The following XPR1 variants were observed in gnomAD, a reference collection of about 807,000 sequenced individuals.
XPR1 encodes xenotropic and polytropic retrovirus receptor 1.
In XPR1, 28 loss-of-function variants were observed where a neutral mutation model predicts 87.5. The observed-to-expected ratio is 0.32, with a 90% confidence interval of 0.24 to 0.44. The LOEUF (loss-of-function observed/expected upper bound fraction) is 0.44. XPR1 is among the 20% of genes least tolerant of loss of function. The pLI is 1.00. For synonymous variants in XPR1, 300 were observed against 306.1 expected (o/e 0.98, Z 0.21); for missense variants, 559 against 862.3 (o/e 0.65, Z 4.41).
chr1:180,828,878 G>T (rs1650956465), intron 9 of XPR1, among the ~76,000 whole-genome samples: 1 of 152,080 alleles, frequency 6.6e-6, no homozygotes, highest in Non-Finnish European at 1.5e-5. Context: ...CTTTGATCTA[G>T]TGGATCAAAC....
chr1:180,656,473 TACA>T (rs1329742376), intron 1 of XPR1, among the ~76,000 whole-genome samples: 530 of 21,948 alleles, frequency 0.024, 153 homozygotes, highest in African/African-American at 0.032. Context: ...ATAATATTTA[TACA>T]TTATATATAA....
intron 10 of XPR1, 33 bp from the exon 11 acceptor site, chr1:180,836,489 A>T (rs374960341): frequency 6.4e-5 from 103 of 1,611,246 alleles, no homozygotes; most frequent in Non-Finnish European, 8.3e-5. Flanking sequence ...ACTTTTTTTC[A>T]ATGGTAATTT....
intron 1 of XPR1, among the ~76,000 whole-genome samples, chr1:180,647,982 T>G (rs967840228): frequency 2.0e-5 from 3 of 151,882 alleles, no homozygotes; most frequent in African/African-American, 7.3e-5. Context: ...ATATCTGCAT[T>G]GTCCAATATG....
chr1:180,824,592 G>GTAGATAGA (rs547917798), intron 7 of XPR1, among the ~76,000 whole-genome samples, 161 bp from the exon 8 acceptor site: 2 of 149,740 alleles, frequency 1.3e-5, no homozygotes, highest in Admixed American at 6.6e-5. Flanking sequence ...AAATAAATAG[G>GTAGATAGA]TAGATAGATA....
At chr1:180,637,668 C>G (rs754494983) in intron 1 of XPR1, among the ~76,000 whole-genome samples, 1 of 152,154 alleles carries the variant, frequency 6.6e-6, no homozygotes, top group Non-Finnish European at 1.5e-5. Flanking sequence ...ATTCTTGTGC[C>G]TCAGCTTCCC....
intron 1 of XPR1, among the ~76,000 whole-genome samples, chr1:180,661,281 T>TA (rs202100109): frequency 9.7e-4 from 146 of 151,040 alleles, no homozygotes; most frequent in African/African-American, 1.4e-3. Context: ...CAGATCTTGT[T>TA]AAAAAAAAAC....
intron 2 of XPR1, among the ~76,000 whole-genome samples, chr1:180,776,408 AAATTGTAT>A (rs1231462328): frequency 6.6e-6 from 1 of 151,972 alleles, no homozygotes; most frequent in South Asian, 2.1e-4. Flanking sequence ...ATAATTTTGG[AAATTGTAT>A]AATTGTATAA....
At chr1:180,859,158 TTTCTCTCTTTAGTACTTTTCC>T (rs1652136548) in intron 11 of XPR1, among the ~76,000 whole-genome samples, 1 of 152,266 alleles carries the variant, frequency 6.6e-6, no homozygotes, top group South Asian at 2.1e-4. Context: ...ATTTTTCTGA[TTTCTCTCTTTAGTACTTTTCC>T]TTCTCTCTTT....
rs1381252117 is a variant in XPR1, at chr1:180,884,880, A to G, written c.*814A>G. On this transcript the variant is annotated 3_prime_UTR_variant, in exon 15 of 15. Coordinates refer to ENST00000367590, the MANE Select transcript of XPR1 (RefSeq NM_004736.4). ...TGTTTTTATTTTAAGCCAAAGTTTC[A>G]TTGCTAACTTCTTAAGTTGCTGCTG... is the stretch of plus-strand genomic sequence containing the variant. The G allele has an allele frequency of 6.6e-6, 1 of 152,404 alleles. No homozygotes were observed. The highest frequency in any genetic ancestry group is 6.5e-5 in the Admixed American group (1 of 15,282). The allele number at this position is 152,404 out of a possible 1,614,324, so 9.4% of individuals were successfully genotyped here. A position where few individuals can be genotyped will look rare whatever the true frequency, so the allele number is the denominator to read the frequency against.
rs887222304 is a variant in XPR1 at position 180,884,924 on chromosome 1, A to G, written c.*858A>G. The G allele has an allele frequency of 6.6e-6, 1 of 152,312 alleles. No individual in the cohort carries two copies. Among genetic ancestry groups the G allele is most frequent in the Non-Finnish European group, 1.5e-5 (1 of 68,038 alleles). The allele number at this position is 152,312 out of a possible 1,614,324, so 9.4% of individuals were successfully genotyped here. A position where few individuals can be genotyped will look rare whatever the true frequency, so the allele number is the denominator to read the frequency against. On this transcript the variant is annotated 3_prime_UTR_variant, in exon 15 of 15. Transcript: ENST00000367590. ...GCTGCTGCTTTAGAGTCCTGAGCAT[A>G]TCTCTCATAACAAGGAATCCCACAC...
chr1:180,889,538 C>A lies in XPR1; in HGVS notation c.*5472C>A, dbSNP rs1653119642. On this transcript the variant is annotated 3_prime_UTR_variant, in exon 15 of 15. Transcript: ENST00000367590. ...CCTGATTGCCCTGTAGCAACACCAGCATGGTGGGAATTGGAGGGAAAGATT... is the reference window on the plus strand; with the variant it reads ...CCTGATTGCCCTGTAGCAACACCAGAATGGTGGGAATTGGAGGGAAAGATT... The A allele has an allele frequency of 6.6e-6, 1 of 152,218 alleles. No homozygotes were observed. The highest frequency in any genetic ancestry group is 2.4e-5 in the African/African-American group (1 of 41,456). 9.4% of individuals were successfully genotyped at this position (152,218 alleles called of 1,614,324 possible). A position where few individuals can be genotyped will look rare whatever the true frequency, so the allele number is the denominator to read the frequency against.
chr1:180,847,801 A>G (rs563071539), intron 11 of XPR1, among the ~76,000 whole-genome samples: 6 of 152,330 alleles, frequency 3.9e-5, no homozygotes, highest in East Asian at 1.9e-4. Context: ...CAGACACTCT[A>G]AATTATGGAC....
chr1:180,692,017 A>T (rs1557959638), intron 2 of XPR1, among the ~76,000 whole-genome samples: 1 of 152,034 alleles, frequency 6.6e-6, no homozygotes, highest in Non-Finnish European at 1.5e-5. Context: ...CCCAGTTTCC[A>T]CTTTGTTATC....
intron 7 of XPR1, among the ~76,000 whole-genome samples, chr1:180,816,267 A>G (rs1650407557): frequency 6.6e-6 from 1 of 152,158 alleles, no homozygotes; most frequent in South Asian, 2.1e-4. Flanking sequence ...GGAGCGCGCA[A>G]CCTAGAGATC....
intron 6 of XPR1, among the ~76,000 whole-genome samples, chr1:180,808,839 T>TA (rs1223057748): frequency 6.6e-6 from 1 of 152,184 alleles, no homozygotes; most frequent in African/African-American, 2.4e-5. Flanking sequence ...TGGTGGAATA[T>TA]AAAATGTATA....
intron 2 of XPR1, among the ~76,000 whole-genome samples, chr1:180,719,721 T>A (rs978586952): frequency 6.6e-6 from 1 of 152,242 alleles, no homozygotes; most frequent in Non-Finnish European, 1.5e-5. Context: ...AAACGTTTTA[T>A]CACTTCTTTG....
chr1:180,848,335 T>G (rs1303450048), intron 11 of XPR1, among the ~76,000 whole-genome samples: 1 of 152,170 alleles, frequency 6.6e-6, no homozygotes, highest in Non-Finnish European at 1.5e-5. Flanking sequence ...CTTCCCAGCT[T>G]CTTGTAACCT....
At chr1:180,705,861 C>T (rs576343054) in intron 2 of XPR1, among the ~76,000 whole-genome samples, 6 of 152,086 alleles carry the variant, frequency 3.9e-5, no homozygotes, top group African/African-American at 1.2e-4. Flanking sequence ...GCAGTTTATT[C>T]GCAATGGCCA....
intron 2 of XPR1, among the ~76,000 whole-genome samples, chr1:180,776,854 G>A (rs1420485887): frequency 1.3e-5 from 2 of 152,068 alleles, no homozygotes; most frequent in Non-Finnish European, 1.5e-5. Context: ...ACTGTTATAA[G>A]TGAAAAGACT....
Sources: allele counts gnomAD v4.1 joint callset (sites outside exome capture counted in the v4.1 genomes callset), GRCh38; gene constraint gnomAD v4.1.1; transcripts MANE v1.5; gene names NCBI Gene and HGNC (gene_info 2026-07-23, HGNC 2026-07-21).